Variants in NHSL1 observed in about 807,000 individuals in gnomAD.
NHSL1 encodes the protein NHS like 1, also known as NHS-like protein 1.
Under a neutral mutation model 95.0 loss-of-function variants are expected in NHSL1, and 48 were observed. The ratio of observed to expected loss-of-function variants is 0.51; its 90% CI spans 0.40 to 0.64. NHSL1 has a LOEUF of 0.64. Ranked by LOEUF, NHSL1 falls within the 30% of genes least tolerant of loss-of-function variation. The pLI is 0.00. For synonymous variants in NHSL1, 783 were observed against 833.9 expected (o/e 0.94, Z 1.05); for missense variants, 1,971 against 2,077.7 (o/e 0.95, Z 1.00).
intron 1 of NHSL1, among the ~76,000 whole-genome samples, chr6:138,614,534 G>A (rs770778071): frequency 3.6e-4 from 55 of 152,202 alleles, no homozygotes; most frequent in Non-Finnish European, 1.6e-4. Flanking sequence ...CTTGTTCTAA[G>A]TAAGTTACCC....
At chr6:138,544,366 A>G (rs1782699533) in intron 1 of NHSL1, among the ~76,000 whole-genome samples, 1 of 151,992 alleles carries the variant, frequency 6.6e-6, no homozygotes, top group African/African-American at 2.4e-5. Flanking sequence ...CACTGCAACT[A>G]GATACTCTCT....
intron 1 of NHSL1, among the ~76,000 whole-genome samples, chr6:138,561,865 C>T (rs1783424349): frequency 6.6e-6 from 1 of 152,230 alleles, no homozygotes; most frequent in Non-Finnish European, 1.5e-5. Flanking sequence ...ATTTCTCTTA[C>T]AGCCTAAATA....
intron 2 of NHSL1, among the ~76,000 whole-genome samples, chr6:138,495,107 G>A (rs770136103): frequency 3.2e-4 from 48 of 152,132 alleles, no homozygotes; most frequent in Non-Finnish European, 6.5e-4. Context: ...GCCAGGTGTG[G>A]TGATGCACTC....
chr6:138,495,359 C>A (rs1780289050), intron 2 of NHSL1, among the ~76,000 whole-genome samples: 1 of 152,198 alleles, frequency 6.6e-6, no homozygotes, highest in African/African-American at 2.4e-5. Context: ...CATCTGCTGG[C>A]AGAACCTAGG....
At chr6:138,579,967 T>C (rs887681969) in intron 1 of NHSL1, among the ~76,000 whole-genome samples, 2 of 152,218 alleles carry the variant, frequency 1.3e-5, no homozygotes, top group African/African-American at 2.4e-5. Context: ...CATTGCTTGA[T>C]ACAAGCAGTG....
rs543991366 is a variant in NHSL1 at position 138,531,485 on chromosome 6, A to C, written c.16+14138T>G. ...TCCATTTTGTTTCTGTTTTTCTTAGATCTACTTCATTTGTCAACCATTTTG... is the reference window on the plus strand; with the variant it reads ...TCCATTTTGTTTCTGTTTTTCTTAGCTCTACTTCATTTGTCAACCATTTTG... On this transcript the variant is annotated intron_variant, in intron 1 of 4. Coordinates refer to the NHSL1 transcript ENST00000342260. Among the ~76,000 whole-genome samples, 5 of 150,250 alleles carry C rather than the reference A, an allele frequency of 3.3e-5. No homozygotes were observed. In the South Asian group the frequency reaches 1.1e-3, roughly 32 times the overall value.
At chr6:138,607,220 C>A (rs1287208204) in intron 1 of NHSL1, among the ~76,000 whole-genome samples, 5 of 152,194 alleles carry the variant, frequency 3.3e-5, no homozygotes, top group African/African-American at 4.8e-5. Context: ...ATAAATGCAT[C>A]CATTCACTGA....
At chr6:138,504,598 GGA>G (rs781360348) in intron 1 of NHSL1, among the ~76,000 whole-genome samples, 61 of 152,328 alleles carry the variant, frequency 4.0e-4, no homozygotes, top group Admixed American at 7.2e-4. Context: ...TGGGGAAGAT[GGA>G]GAGAGGCAGG....
chr6:138,649,450 A>T (rs1583465600), intron 1 of NHSL1, among the ~76,000 whole-genome samples: 4 of 146,666 alleles, frequency 2.7e-5, no homozygotes, highest in South Asian at 4.3e-4. Flanking sequence ...AGGGAATTCT[A>T]TTTTTTTTTT....
intron 1 of NHSL1, among the ~76,000 whole-genome samples, chr6:138,497,856 C>T (rs1780448617): frequency 6.6e-6 from 1 of 152,158 alleles, no homozygotes; most frequent in Non-Finnish European, 1.5e-5. Context: ...CAAAAGGACC[C>T]CACCTTCTCC....
chr6:138,625,641 TAAAAAAA>T (rs57534545), intron 1 of NHSL1, among the ~76,000 whole-genome samples: 2 of 138,780 alleles, frequency 1.4e-5, no homozygotes, highest in Non-Finnish European at 3.2e-5. Context: ...CTTTTTTAAT[TAAAAAAA>T]AAAAAAAAAA....
chr6:138,449,143 T>C (rs190349144), intron 3 of NHSL1, among the ~76,000 whole-genome samples: 2 of 152,234 alleles, frequency 1.3e-5, no homozygotes, highest in Admixed American at 1.3e-4. Flanking sequence ...AAAATCTGTA[T>C]TTATTCTACA....
chr6:138,426,872 A>G (rs1213286434), intron 7 of NHSL1, among the ~76,000 whole-genome samples: 1 of 152,216 alleles, frequency 6.6e-6, no homozygotes. Flanking sequence ...GTCTGCCCTG[A>G]TAAGAGTTAG....
intron 1 of NHSL1, among the ~76,000 whole-genome samples, chr6:138,637,630 C>G (rs1011861979): frequency 1.3e-5 from 2 of 152,140 alleles, no homozygotes; most frequent in African/African-American, 4.8e-5. Context: ...TGAAAAGGTG[C>G]TCAACATCAC....
chr6:138,446,731 T>C, intron 4 of NHSL1: 2 of 386,648 alleles, frequency 5.2e-6, no homozygotes, highest in Admixed American at 4.1e-5. Context: ...AGCAATTTAA[T>C]TAAAAGAGAC....
intron 1 of NHSL1, among the ~76,000 whole-genome samples, chr6:138,613,473 CA>C (rs1180645487): frequency 6.6e-6 from 1 of 152,184 alleles, no homozygotes; most frequent in Non-Finnish European, 1.5e-5. Flanking sequence ...ATTTCGTCAA[CA>C]TGCAGCATGG....
At position 138,423,116 on chromosome 6, in the gene NHSL1, CTG is replaced by C. The variant is rs1370218453; in HGVS notation, c.*963_*964del. 1.0e-5 allele frequency: 1 copy of C among 97,612 alleles called. No individual in the cohort carries two copies. Among genetic ancestry groups the C allele is most frequent in the Non-Finnish European group, 2.2e-5 (1 of 44,644 alleles). 6.0% of individuals were successfully genotyped at this position (97,612 alleles called of 1,614,324 possible). ...GGTTAAAAAAAAAAAAAAAAAAAAA[CTG>C]TTGTAAAAGGAAAAGCTCCACCCAT... On this transcript the variant is annotated 3_prime_UTR_variant, in exon 8 of 8. Transcript: ENST00000343505.
intron 3 of NHSL1, among the ~76,000 whole-genome samples, chr6:138,463,671 C>A (rs1211107900): frequency 1.3e-5 from 2 of 151,960 alleles, no homozygotes; most frequent in African/African-American, 2.4e-5. Flanking sequence ...TAGGTATTTG[C>A]CCTAATGCTC....
chr6:138,583,958 C>T (rs1313327902), intron 1 of NHSL1, among the ~76,000 whole-genome samples: 1 of 152,032 alleles, frequency 6.6e-6, no homozygotes, highest in East Asian at 1.9e-4. Context: ...CTCGTCTCTA[C>T]AAAAAATAAA....
Sources: gnomAD v4.1 joint callset for allele counts (sites outside exome capture counted in the v4.1 genomes callset) on GRCh38, gnomAD v4.1.1 for gene constraint, MANE v1.5 for transcripts, NCBI Gene and HGNC (gene_info 2026-07-23, HGNC 2026-07-21) for gene names.